Variants in EYS observed in about 807,000 individuals in gnomAD.
EYS encodes the protein protein eyes shut homolog.
In EYS, 250 loss-of-function variants were observed where a neutral mutation model predicts 282.1. That is an observed-to-expected ratio of 0.89 (90% CI 0.80 to 0.98). The LOEUF (loss-of-function observed/expected upper bound fraction) is 0.98. Among genes scored for constraint, EYS ranks in the 50% least tolerant of loss-of-function variants. EYS has a pLI of 0.00. For synonymous variants in EYS, 1,355 were observed against 1,282.9 expected, an observed-to-expected ratio of 1.06 and a Z score of -1.20; for missense variants, 4,016 against 3,709.0, an observed-to-expected ratio of 1.08 and a Z score of -2.15.
chr6:64,176,546 G>A (rs781739023), intron 31 of EYS, among the ~76,000 whole-genome samples: 3 of 151,582 alleles, frequency 2.0e-5, no homozygotes, highest in South Asian at 2.1e-4. Flanking sequence ...TACCAAATAC[G>A]CGTGAAGTTT....
rs566828217 is a variant in EYS at position 63,766,998 on chromosome 6, T to C, written c.7899-4365A>G. 6.4e-4 allele frequency among the ~76,000 whole-genome samples: 98 copies of C among 152,212 alleles called. 3 individuals are homozygous for C. In the South Asian group the frequency reaches 0.02, roughly 31 times the overall value. ...AGCAAAAACCATATCATGTCCTCAATAGATGCAGAAAAGACTTTGATAAAA... is the reference window on the plus strand; with the variant it reads ...AGCAAAAACCATATCATGTCCTCAACAGATGCAGAAAAGACTTTGATAAAA... On this transcript the variant is annotated intron_variant, in intron 40 of 42. Coordinates refer to ENST00000503581, the MANE Select transcript of EYS (RefSeq NM_001142800.2).
intron 30 of EYS, among the ~76,000 whole-genome samples, chr6:64,282,202 G>A (rs1001994516): frequency 6.6e-6 from 1 of 152,100 alleles, no homozygotes; most frequent in African/African-American, 2.4e-5. Flanking sequence ...GATTGGATTT[G>A]TTCAACTATA....
intron 22 of EYS, among the ~76,000 whole-genome samples, chr6:64,763,978 C>T (rs181965913): frequency 1.3e-5 from 2 of 152,284 alleles, no homozygotes; most frequent in East Asian, 1.9e-4. Flanking sequence ...CCTTGAGAAG[C>T]TCCTCCCCTG....
chr6:65,487,888 C>T (rs1403449802), intron 5 of EYS, among the ~76,000 whole-genome samples: 2 of 152,024 alleles, frequency 1.3e-5, no homozygotes, highest in African/African-American at 4.8e-5. Context: ...CAAATTCTTC[C>T]TGGTTTAGTC....
intron 30 of EYS, among the ~76,000 whole-genome samples, chr6:64,265,914 GT>G (rs1406730221): frequency 6.6e-6 from 1 of 152,004 alleles, no homozygotes; most frequent in Non-Finnish European, 1.5e-5. Context: ...TTTGCTCTAG[GT>G]TTTTTGCCTC....
intron 12 of EYS, among the ~76,000 whole-genome samples, chr6:65,130,737 A>G (rs2150202289): frequency 6.6e-6 from 1 of 151,752 alleles, no homozygotes; most frequent in South Asian, 2.1e-4. Context: ...AGTCTGTACA[A>G]CAAACCCCTA....
chr6:64,458,088 C>T (rs764076910), intron 26 of EYS, among the ~76,000 whole-genome samples: 2 of 152,054 alleles, frequency 1.3e-5, no homozygotes, highest in African/African-American at 2.4e-5. Context: ...TTACGGCCCA[C>T]ATTGTAAATT....
intron 30 of EYS, among the ~76,000 whole-genome samples, chr6:64,254,964 T>G (rs898461092): frequency 1.3e-5 from 2 of 152,110 alleles, no homozygotes; most frequent in Admixed American, 1.3e-4. Context: ...TAAAGATGAC[T>G]TGACCTACCC....
chr6:63,882,014 A>T (rs576811258), intron 35 of EYS, among the ~76,000 whole-genome samples: 1 of 152,216 alleles, frequency 6.6e-6, no homozygotes, highest in Non-Finnish European at 1.5e-5. Context: ...AAACTGATTT[A>T]GCCTTTTGCA....
At chr6:64,483,274 G>T (rs1776490011) in intron 26 of EYS, among the ~76,000 whole-genome samples, 1 of 151,526 alleles carries the variant, frequency 6.6e-6, no homozygotes, top group Non-Finnish European at 1.5e-5. Context: ...ATGAAATGAG[G>T]GTAAGACTTC....
chr6:64,912,422 A>G (rs1768027914), intron 16 of EYS, 62 bp downstream of exon 16: 1 of 1,481,480 alleles, frequency 6.8e-7, no homozygotes, highest in South Asian at 1.2e-5. Context: ...CCATAGGCAC[A>G]ATAAATACAC....
intron 9 of EYS, among the ~76,000 whole-genome samples, chr6:65,348,074 T>A (rs1387599062): frequency 6.6e-6 from 1 of 151,788 alleles, no homozygotes; most frequent in Non-Finnish European, 1.5e-5. Flanking sequence ...CATTTTTTTA[T>A]ATAGCTGAAT....
Position 64,040,583 on chromosome 6 carries a change from C to T in EYS, c.6725+25755G>A, listed in dbSNP as rs117758696. The stretch of plus-strand genomic sequence containing the variant: ...ATTGGTTTTGGAAATTTTAATATGG[C>T]GCACAACTAAGATAAAAAGTATTAG... On this transcript the variant is annotated intron_variant, in intron 33 of 42. Coordinates refer to ENST00000503581, the MANE Select transcript of EYS (RefSeq NM_001142800.2). Among the ~76,000 whole-genome samples the T allele has an allele frequency of 1.7e-3, 266 of 152,122 alleles. 2 individuals carry two copies. The East Asian group carries it at 0.036, about 20-fold the overall frequency.
chr6:64,133,515 C>CACACACAG lies in EYS; in HGVS notation c.6425-51514_6425-51513insCTGTGTGT, dbSNP rs1554210940. ...ACACACACACACACACACACACACA[C>CACACACAG]AGAGAAATCCATTTGTATTGGTTTA... On this transcript the variant is annotated intron_variant, in intron 31 of 42. Coordinates refer to ENST00000503581, the MANE Select transcript of EYS (RefSeq NM_001142800.2). 3.3e-5 allele frequency among the ~76,000 whole-genome samples: 5 copies of CACACACAG among 149,610 alleles called. No homozygotes were observed. In the South Asian group the frequency reaches 6.3e-4, roughly 19 times the overall value.
At chr6:64,375,908 T>C (rs1772548160) in intron 29 of EYS, among the ~76,000 whole-genome samples, 1 of 152,146 alleles carries the variant, frequency 6.6e-6, no homozygotes, top group Non-Finnish European at 1.5e-5. Context: ...TTGTCAACAA[T>C]TGTGTTTTCT....
chr6:65,086,101 A>G (rs1774363198), intron 12 of EYS, among the ~76,000 whole-genome samples: 1 of 151,154 alleles, frequency 6.6e-6, no homozygotes, highest in Non-Finnish European at 1.5e-5. Flanking sequence ...TTTGAAATTA[A>G]TAGATGATGG....
chr6:64,242,111 G>T (rs144933828), intron 30 of EYS, among the ~76,000 whole-genome samples: 1 of 152,054 alleles, frequency 6.6e-6, no homozygotes, highest in African/African-American at 2.4e-5. Context: ...GAATAAGTGC[G>T]ATGTGGTGCT....
intron 2 of EYS, among the ~76,000 whole-genome samples, chr6:65,596,888 T>C (rs769979144): frequency 2.0e-5 from 3 of 152,086 alleles, no homozygotes; most frequent in Non-Finnish European, 4.4e-5. Flanking sequence ...TTTGTTTCAG[T>C]AGTTCTAACA....
chr6:65,286,422 A>G (rs1162194723), intron 12 of EYS, among the ~76,000 whole-genome samples: 2 of 151,770 alleles, frequency 1.3e-5, no homozygotes, highest in Non-Finnish European at 3.0e-5. Flanking sequence ...AACACAGGCA[A>G]AAGTCATTGA....
Sources: gnomAD v4.1 joint callset for allele counts (sites outside exome capture counted in the v4.1 genomes callset) on GRCh38, gnomAD v4.1.1 for gene constraint, MANE v1.5 for transcripts, NCBI Gene and HGNC (gene_info 2026-07-23, HGNC 2026-07-21) for gene names.